STX8: variants seen among roughly 807,000 people sequenced by gnomAD.
STX8 encodes the protein syntaxin-8.
A neutral mutation model predicts 37.5 loss-of-function variants in STX8; 23 were observed. That is an observed-to-expected ratio of 0.61 (90% CI 0.44 to 0.87). The LOEUF is 0.87. Ranked by LOEUF, STX8 falls within the 40% of genes least tolerant of loss-of-function variation. The probability of loss-of-function intolerance (pLI) is 0.00; values close to 1 mark genes in which losing one functional copy is unlikely to be tolerated. For missense variants in STX8, 313 were observed against 284.7 expected (o/e 1.10, Z -0.71); for synonymous variants, 115 against 99.1 (o/e 1.16, Z -0.95).
At chr17:9,316,341 T>C (rs903124727) in intron 7 of STX8, among the ~76,000 whole-genome samples, 1 of 152,050 alleles carries the variant, frequency 6.6e-6, no homozygotes, top group Non-Finnish European at 1.5e-5. Flanking sequence ...CTAGATAGCA[T>C]CAGGATGGGG....
At chr17:9,490,084 G>C (rs1906788811) in intron 6 of STX8, among the ~76,000 whole-genome samples, 1 of 152,164 alleles carries the variant, frequency 6.6e-6, no homozygotes, top group South Asian at 2.1e-4. Context: ...GTTCGTGTTG[G>C]TACCATCAGG....
intron 6 of STX8, among the ~76,000 whole-genome samples, chr17:9,471,326 A>AT (rs1049187451): frequency 3.4e-5 from 5 of 148,994 alleles, no homozygotes; most frequent in East Asian, 4.0e-4. Flanking sequence ...TAATTTTTAT[A>AT]TTTTTTATTA....
At chr17:9,369,761 C>T (rs961921584) in intron 7 of STX8, among the ~76,000 whole-genome samples, 2 of 150,396 alleles carry the variant, frequency 1.3e-5, no homozygotes, top group African/African-American at 4.9e-5. Flanking sequence ...GGCATGACGG[C>T]GAGTGCCTGT....
chr17:9,275,391 C>G (rs1907637376), intron 7 of STX8, among the ~76,000 whole-genome samples: 1 of 152,214 alleles, frequency 6.6e-6, no homozygotes. Flanking sequence ...CTCTGTCTCT[C>G]CTTTAGTGCC....
intron 7 of STX8, among the ~76,000 whole-genome samples, chr17:9,316,749 C>T (rs1909394294): frequency 1.3e-5 from 2 of 152,132 alleles, no homozygotes; most frequent in South Asian, 4.2e-4. Flanking sequence ...CCTGGGAACC[C>T]CCAATTTACA....
At chr17:9,362,298 C>T (rs868420266) in intron 7 of STX8, among the ~76,000 whole-genome samples, 49 of 152,286 alleles carry the variant, frequency 3.2e-4, no homozygotes, top group African/African-American at 1.1e-3. Flanking sequence ...GTACTCGGGC[C>T]TGCATGACAG....
intron 4 of STX8, among the ~76,000 whole-genome samples, chr17:9,505,934 T>C (rs1904805598): frequency 9.8e-6 from 1 of 102,156 alleles, no homozygotes; most frequent in South Asian, 3.7e-4. Flanking sequence ...GGAGCAAGAC[T>C]CTGTCTCAAA....
At chr17:9,501,824 C>G (rs553300191) in intron 5 of STX8, among the ~76,000 whole-genome samples, 156 of 152,006 alleles carry the variant, frequency 1.0e-3, no homozygotes, top group Non-Finnish European at 2.0e-3. Flanking sequence ...AAAAAATTAG[C>G]CAGGCATGGT....
At chr17:9,327,847 C>T (rs543119583) in intron 7 of STX8, among the ~76,000 whole-genome samples, 13 of 151,814 alleles carry the variant, frequency 8.6e-5, no homozygotes, top group Admixed American at 2.0e-4. Flanking sequence ...GCTAATTTTT[C>T]TCCTTCCTTC....
chr17:9,427,597 G>A (rs1913685290), intron 6 of STX8, among the ~76,000 whole-genome samples: 1 of 152,072 alleles, frequency 6.6e-6, no homozygotes, highest in African/African-American at 2.4e-5. Context: ...GAGATGACTT[G>A]GACAGCCTAG....
rs564084550 is a variant in STX8, at chr17:9,574,741, T to C, written c.17+1051A>G. The stretch of plus-strand genomic sequence containing the variant: ...TAGAGACGGGGTTTCTCCATGTTGG[T>C]CAGGCTGGTCTCGACCTCCCGACCT... On this transcript the variant is annotated intron_variant, in intron 1 of 7. Transcript: ENST00000306357. 4.6e-5 allele frequency among the ~76,000 whole-genome samples: 7 copies of C among 152,014 alleles called. No homozygotes were observed. The South Asian group carries it at 1.5e-3, about 32-fold the overall frequency.
At chr17:9,371,787 T>C (rs2142273755) in intron 7 of STX8, among the ~76,000 whole-genome samples, 1 of 152,274 alleles carries the variant, frequency 6.6e-6, no homozygotes, top group African/African-American at 2.4e-5. Flanking sequence ...TTACTTATTA[T>C]AGTTTTCGGG....
intron 6 of STX8, among the ~76,000 whole-genome samples, chr17:9,434,144 CA>C (rs1904341684): frequency 6.6e-6 from 1 of 152,130 alleles, no homozygotes; most frequent in South Asian, 2.1e-4. Context: ...GCTGGGATTA[CA>C]GACAGGTGCT....
chr17:9,314,652 C>T (rs1044148807), intron 7 of STX8, among the ~76,000 whole-genome samples: 2 of 150,524 alleles, frequency 1.3e-5, no homozygotes, highest in Non-Finnish European at 3.0e-5. Context: ...TAGTGATCCA[C>T]CTGCCTTGGC....
At chr17:9,520,216 A>T (rs533053427) in intron 4 of STX8, among the ~76,000 whole-genome samples, 1 of 152,298 alleles carries the variant, frequency 6.6e-6, no homozygotes, top group South Asian at 2.1e-4. Flanking sequence ...TAACATTTTT[A>T]TCTTGAAATG....
At position 9,418,272 on chromosome 17, in the gene STX8, G is replaced by C. The variant is rs537689764; in HGVS notation, c.542-39619C>G. ...TCCCCATATATTTGTTGTCAGGAGG[G>C]AAAAACCTCTGATTGGTATAGGGTG... On this transcript the variant is annotated intron_variant, in intron 6 of 7. Transcript: ENST00000306357. 9.9e-5 allele frequency among the ~76,000 whole-genome samples: 15 copies of C among 152,206 alleles called. No homozygotes were observed. In the East Asian group the frequency reaches 2.9e-3, roughly 29 times the overall value.
chr17:9,489,061 C>T (rs994173990), intron 6 of STX8, among the ~76,000 whole-genome samples: 1 of 152,052 alleles, frequency 6.6e-6, no homozygotes, highest in Non-Finnish European at 1.5e-5. Flanking sequence ...ATGTTTAGTA[C>T]AGGTGGGGTT....
intron 7 of STX8, chr17:9,378,304 A>C: frequency 2.4e-6 from 1 of 412,762 alleles, no homozygotes; most frequent in South Asian, 2.4e-5. Context: ...CTGTAAACAC[A>C]CAGAAAGGAC....
intron 6 of STX8, among the ~76,000 whole-genome samples, chr17:9,410,090 C>T (rs1912931617): frequency 6.6e-6 from 1 of 152,214 alleles, no homozygotes; most frequent in Non-Finnish European, 1.5e-5. Flanking sequence ...AATGCGATGG[C>T]TGTACAGCTG....
Sources: gnomAD v4.1 joint callset for allele counts (sites outside exome capture counted in the v4.1 genomes callset) on GRCh38, gnomAD v4.1.1 for gene constraint, MANE v1.5 for transcripts, NCBI Gene and HGNC (gene_info 2026-07-23, HGNC 2026-07-21) for gene names.